Variants in SLC22A25 observed in about 807,000 individuals in gnomAD.
SLC22A25 encodes MGI:2442751, MGI:2385316, MGI:3042283, MGI:3645714, MGI:3605624, MGI:2442750.
In SLC22A25, 44 loss-of-function variants were observed where a neutral mutation model predicts 45.9. The ratio of observed to expected loss-of-function variants is 0.96; its 90% confidence interval spans 0.75 to 1.23. The LOEUF (loss-of-function observed/expected upper bound fraction) is 1.23, where lower values mean the gene tolerates loss of function less well. SLC22A25 is among the 50% of genes most tolerant of loss of function. The pLI is 0.00. For synonymous variants in SLC22A25, 283 were observed against 238.6 expected (o/e 1.19, Z -1.72); for missense variants, 800 against 666.4 (o/e 1.20, Z -2.21).
At chr11:63,224,198 C>T (rs2134829509) in intron 5 of SLC22A25, among the ~76,000 whole-genome samples, 1 of 152,080 alleles carries the variant, frequency 6.6e-6, no homozygotes. Context: ...CCTTTATCAT[C>T]TCTTTTTACG....
chr11:63,186,898 G>A (rs896671787), intron 7 of SLC22A25, among the ~76,000 whole-genome samples: 7 of 152,138 alleles, frequency 4.6e-5, no homozygotes, highest in East Asian at 3.9e-4. Context: ...TGTTCCATTG[G>A]TCTATATCTC....
chr11:63,209,994 A>G (rs951658258), intron 7 of SLC22A25, among the ~76,000 whole-genome samples: 8 of 152,224 alleles, frequency 5.3e-5, no homozygotes. Flanking sequence ...CCCAAATGGG[A>G]AAAAAGCAGG....
chr11:63,166,186 C>T lies in SLC22A25; in HGVS notation c.1143G>A (p.Leu381=), dbSNP rs1007686415. The part of the protein sequence containing the change: ...LQHLGNNVFL[L]QTLFGAVTLL... ...GGGTGACTGCACCAAAGAGAGTCTG[C>T]AACAGGAAAACATTGTTTCCCAGAT... Residue 381 remains leucine (L), a synonymous_variant, in exon 10 of 12, where the codon TTG becomes TTA. Coordinates refer to ENST00000306494, the MANE Select transcript of SLC22A25 (RefSeq NM_199352.6). 4.3e-6 allele frequency: 7 copies of T among 1,613,804 alleles called. No individual in the cohort carries two copies. Among genetic ancestry groups the T allele is most frequent in the African/African-American group, 2.7e-5 (2 of 74,908 alleles).
intron 7 of SLC22A25, among the ~76,000 whole-genome samples, chr11:63,207,949 G>C (rs117966610): frequency 0.05 from 7,623 of 152,172 alleles, 266 homozygotes; most frequent in Middle Eastern, 0.078. Flanking sequence ...GGTAACTTAA[G>C]TCTTTGTTCA....
intron 7 of SLC22A25, among the ~76,000 whole-genome samples, chr11:63,198,794 C>A (rs978548621): frequency 2.6e-5 from 4 of 152,018 alleles, no homozygotes; most frequent in African/African-American, 9.7e-5. Context: ...ATAACCTGCT[C>A]CTGAATGACT....
Position 63,217,750 on chromosome 11 carries a change from C to G in SLC22A25, c.507-15G>C. On this transcript the variant is annotated splice_polypyrimidine_tract_variant and intron_variant, in intron 5 of 11. Transcript: ENST00000306494. The stretch of plus-strand genomic sequence containing the variant: ...TTCTCCCAAACCTGAGAAACAGGGG[C>G]ACATTAGATAATGGGAACAATAACA... 6.3e-7 allele frequency: 1 copy of G among 1,592,172 alleles called. No homozygotes were observed. The highest frequency in any genetic ancestry group is 8.5e-7 in the Non-Finnish European group (1 of 1,172,882).
chr11:63,173,039 T>TA (rs1010793732), intron 9 of SLC22A25, among the ~76,000 whole-genome samples: 4 of 151,838 alleles, frequency 2.6e-5, no homozygotes, highest in Non-Finnish European at 5.9e-5. Context: ...TATGCAGCCA[T>TA]AAAAAAAGAT....
chr11:63,160,793 AC>A lies in SLC22A25; in HGVS notation c.*3030del, dbSNP rs2087527220. On this transcript the variant is annotated 3_prime_UTR_variant, in exon 12 of 12. Coordinates refer to ENST00000306494, the MANE Select transcript of SLC22A25 (RefSeq NM_199352.6). ...GAGCTGCCCAAGAGCATGGAAACCC[AC>A]CTTTTGCATCATTGTGACCCAAATG... Among the ~76,000 whole-genome samples, 1 of 152,148 alleles carries A rather than the reference AC, an allele frequency of 6.6e-6. No homozygotes were observed. Among genetic ancestry groups the A allele is most frequent in the Non-Finnish European group, 1.5e-5 (1 of 68,022 alleles).
chr11:63,235,892 G>T (rs1442327341), intron 3 of SLC22A25, among the ~76,000 whole-genome samples: 1 of 152,210 alleles, frequency 6.6e-6, no homozygotes, highest in Non-Finnish European at 1.5e-5. Context: ...GTCTGTGGGA[G>T]TTTACTGGAG....
intron 7 of SLC22A25, among the ~76,000 whole-genome samples, chr11:63,201,620 A>G (rs1048381741): frequency 1.3e-5 from 2 of 152,184 alleles, no homozygotes; most frequent in African/African-American, 4.8e-5. Context: ...TGATAAAAAC[A>G]CCCAAAGCAA....
chr11:63,228,309 C>T, intron 5 of SLC22A25, 152 bp downstream of exon 5: 2 of 596,460 alleles, frequency 3.4e-6, no homozygotes, highest in Non-Finnish European at 5.8e-6. Flanking sequence ...GCACTCACCA[C>T]ACTCACCATA....
intron 10 of SLC22A25, 21 bp from the exon 11 acceptor site, chr11:63,164,655 G>A: frequency 6.3e-7 from 1 of 1,587,972 alleles, no homozygotes; most frequent in Non-Finnish European, 8.6e-7. Flanking sequence ...GAAGACCACA[G>A]GGCCTCAGGA....
Position 63,164,468 on chromosome 11 carries a change from T to A in SLC22A25, c.1394+58A>T, listed in dbSNP as rs1590765643. The A allele has an allele frequency of 4.9e-6, 7 of 1,421,340 alleles. No homozygotes were observed. In the East Asian group the frequency reaches 1.6e-4, roughly 33 times the overall value. The allele number at this position is 1,421,340 out of a possible 1,614,324, so 88.0% of individuals were successfully genotyped here. A position where few individuals can be genotyped will look rare whatever the true frequency, so the allele number is the denominator to read the frequency against. Reference sequence around the variant, plus strand: ...TTGGATTTTTTTCCCTTGTTAAGTGTCAATTGGTTGAGACAGGTCCATTTT... The same window carrying A: ...TTGGATTTTTTTCCCTTGTTAAGTGACAATTGGTTGAGACAGGTCCATTTT... On this transcript the variant is annotated intron_variant, in intron 11 of 11. Coordinates refer to ENST00000306494, the MANE Select transcript of SLC22A25 (RefSeq NM_199352.6).
intron 7 of SLC22A25, among the ~76,000 whole-genome samples, chr11:63,201,522 A>G (rs1259317926): frequency 6.6e-6 from 1 of 152,162 alleles, no homozygotes; most frequent in Admixed American, 6.6e-5. Flanking sequence ...ATAAATTGAA[A>G]ACTTAAACGT....
At chr11:63,175,796 A>C (rs909234348) in intron 9 of SLC22A25, among the ~76,000 whole-genome samples, 1 of 151,646 alleles carries the variant, frequency 6.6e-6, no homozygotes, top group Non-Finnish European at 1.5e-5. Flanking sequence ...GAAAGGGTTC[A>C]ATTTCATTTA....
At position 63,159,527 on chromosome 11, in the gene SLC22A25, C is replaced by T. The variant is rs2087518545; in HGVS notation, c.*4297G>A. On this transcript the variant is annotated 3_prime_UTR_variant, in exon 12 of 12. Transcript: ENST00000306494. ...TTCACCTTCTGCCGTGATTGTGAGG[C>T]TTCCCCAGCCAGGTGGAACTGTGAG... Among the ~76,000 whole-genome samples, 1 of 152,200 alleles carries T rather than the reference C, an allele frequency of 6.6e-6. No homozygotes were observed. The highest frequency in any genetic ancestry group is 6.5e-5 in the Admixed American group (1 of 15,282).
chr11:63,188,275 A>T (rs1479226930), intron 7 of SLC22A25, among the ~76,000 whole-genome samples: 1 of 152,148 alleles, frequency 6.6e-6, no homozygotes, highest in Non-Finnish European at 1.5e-5. Flanking sequence ...TAGTCTTGGG[A>T]GGGTGGATGT....
At chr11:63,184,151 C>T (rs1163611816) in intron 7 of SLC22A25, among the ~76,000 whole-genome samples, 2 of 152,066 alleles carry the variant, frequency 1.3e-5, no homozygotes, top group Non-Finnish European at 1.5e-5. Context: ...TAACAAATGT[C>T]TATTCATAAT....
At chr11:63,199,472 T>A (rs1390936890) in intron 7 of SLC22A25, among the ~76,000 whole-genome samples, 4 of 152,102 alleles carry the variant, frequency 2.6e-5, no homozygotes, top group Non-Finnish European at 5.9e-5. Flanking sequence ...TGCCTTGAAT[T>A]GGCTTAGAAC....
Sources: allele counts gnomAD v4.1 joint callset (sites outside exome capture counted in the v4.1 genomes callset), GRCh38; gene constraint gnomAD v4.1.1; transcripts MANE v1.5; gene names NCBI Gene and HGNC (gene_info 2026-07-23, HGNC 2026-07-21).